Variants in RBFOX1 observed in about 807,000 individuals in gnomAD.
RBFOX1 encodes RNA binding protein fox-1 homolog 1.
Under a neutral mutation model 57.7 loss-of-function variants are expected in RBFOX1, and 8 were observed. That is an observed-to-expected ratio of 0.14 (90% CI 0.08 to 0.25). The LOEUF (loss-of-function observed/expected upper bound fraction) is 0.25, where lower values mean the gene tolerates loss of function less well. RBFOX1 is among the 10% of genes least tolerant of loss of function. The pLI is 1.00. For synonymous variants in RBFOX1, 326 were observed against 222.4 expected, an observed-to-expected ratio of 1.47 and a Z score of -4.15; for missense variants, 611 against 548.5, an observed-to-expected ratio of 1.11 and a Z score of -1.14.
chr16:5,870,342 G>C (rs559248849), intron 4 of RBFOX1, among the ~76,000 whole-genome samples: 1 of 143,870 alleles, frequency 7.0e-6, no homozygotes, highest in Non-Finnish European at 1.5e-5. Flanking sequence ...CAATGAAAAC[G>C]TGTGCATCTT....
chr16:6,328,521 C>G (rs1251469266), intron 2 of RBFOX1, among the ~76,000 whole-genome samples: 1 of 152,104 alleles, frequency 6.6e-6, no homozygotes, highest in African/African-American at 2.4e-5. Context: ...TGGGTCACAT[C>G]TAGCAGTTCA....
In RBFOX1 at chr16:7,190,578, T is replaced by C. The variant is rs371870231; in HGVS notation, c.27+138480T>C. 4.0e-5 allele frequency among the ~76,000 whole-genome samples: 6 copies of C among 151,372 alleles called. No individual in the cohort carries two copies. In the East Asian group the frequency reaches 7.8e-4, roughly 20 times the overall value. On this transcript the variant is annotated intron_variant, in intron 4 of 15. Coordinates refer to ENST00000550418, the MANE Select transcript of RBFOX1 (RefSeq NM_018723.4). The stretch of plus-strand genomic sequence containing the variant: ...AAGTTAGAAGGGAAAGTAGAGGAGG[T>C]TGCTAAGAGGGTAGGTGTAGTACTG...
chr16:5,521,470 C>T (rs568381242), intron 2 of RBFOX1, among the ~76,000 whole-genome samples: 486 of 152,216 alleles, frequency 3.2e-3, no homozygotes, highest in Non-Finnish European at 5.2e-3. Flanking sequence ...TCTTTGTATC[C>T]TCCATCTTCC....
At chr16:6,549,131 A>G (rs71392482) in intron 2 of RBFOX1, among the ~76,000 whole-genome samples, 17 of 35,348 alleles carry the variant, frequency 4.8e-4, no homozygotes, top group South Asian at 4.1e-3. Flanking sequence ...GAGGGGAGGA[A>G]GGAGGAGGAG....
intron 4 of RBFOX1, among the ~76,000 whole-genome samples, chr16:5,999,375 C>T (rs772605946): frequency 5.3e-5 from 8 of 152,190 alleles, no homozygotes; most frequent in Non-Finnish European, 7.3e-5. Context: ...GTCTTCAGAC[C>T]GGGTCAAACT....
chr16:6,903,023 G>A (rs1390953036), intron 3 of RBFOX1, among the ~76,000 whole-genome samples: 3 of 152,134 alleles, frequency 2.0e-5, no homozygotes, highest in Non-Finnish European at 4.4e-5. Context: ...CTTCAAATGA[G>A]ATGACTGCTC....
intron 3 of RBFOX1, among the ~76,000 whole-genome samples, chr16:6,680,062 TG>T (rs1203348481): frequency 6.6e-6 from 1 of 152,014 alleles, no homozygotes; most frequent in Non-Finnish European, 1.5e-5. Flanking sequence ...AGTGTGGTCT[TG>T]AGGAAATCTG....
intron 9 of RBFOX1, among the ~76,000 whole-genome samples, chr16:7,606,210 C>T (rs1257629737): frequency 1.3e-5 from 2 of 151,596 alleles, no homozygotes; most frequent in African/African-American, 4.9e-5. Context: ...CAACCTCTGC[C>T]TCCCAGGTTC....
At chr16:6,893,704 C>A (rs1340204004) in intron 3 of RBFOX1, among the ~76,000 whole-genome samples, 2 of 152,190 alleles carry the variant, frequency 1.3e-5, no homozygotes, top group Non-Finnish European at 2.9e-5. Flanking sequence ...ACTAAAATAT[C>A]TTTTCAGTGT....
chr16:7,706,841 A>G (rs1322331976), intron 14 of RBFOX1, among the ~76,000 whole-genome samples: 1 of 152,218 alleles, frequency 6.6e-6, no homozygotes, highest in Non-Finnish European at 1.5e-5. Context: ...GCCTGTTACT[A>G]TGTACTTCTA....
At chr16:5,705,290 C>T (rs374313509) in intron 3 of RBFOX1, among the ~76,000 whole-genome samples, 3 of 152,016 alleles carry the variant, frequency 2.0e-5, no homozygotes, top group Admixed American at 2.0e-4. Flanking sequence ...TAGACAGGGT[C>T]TTGCTGTCTT....
chr16:7,381,179 A>C (rs1178471719), intron 4 of RBFOX1, among the ~76,000 whole-genome samples: 1 of 152,152 alleles, frequency 6.6e-6, no homozygotes, highest in Non-Finnish European at 1.5e-5. Context: ...GTTAAACTTA[A>C]AACAGCCTCT....
At position 7,024,019 on chromosome 16, in the gene RBFOX1, CG is replaced by C. The variant is rs1568417023; in HGVS notation, c.-15-28037del. Among the ~76,000 whole-genome samples, 915 of 152,086 alleles carry C rather than the reference CG, an allele frequency of 6.0e-3. 10 individuals carry two copies. Among genetic ancestry groups the C allele is most frequent in the African/African-American group, 0.021 (877 of 41,476 alleles). ...TAGGTTTCTATATCCTCCTGATAACCGTATGTTGAAAAAGGATTTAAGAGGA... is the reference window on the plus strand; with the variant it reads ...TAGGTTTCTATATCCTCCTGATAACCTATGTTGAAAAAGGATTTAAGAGGA... On this transcript the variant is annotated intron_variant, in intron 3 of 15. Coordinates refer to ENST00000550418, the MANE Select transcript of RBFOX1 (RefSeq NM_018723.4).
intron 2 of RBFOX1, among the ~76,000 whole-genome samples, chr16:6,441,615 G>A (rs533789955): frequency 1.1e-4 from 17 of 152,094 alleles, no homozygotes; most frequent in African/African-American, 1.7e-4. Context: ...ACGGGGTTTC[G>A]CCATGTCATC....
chr16:7,487,299 A>G (rs767504554), intron 4 of RBFOX1, among the ~76,000 whole-genome samples: 1 of 152,176 alleles, frequency 6.6e-6, no homozygotes, highest in Non-Finnish European at 1.5e-5. Flanking sequence ...TATCTCAAAT[A>G]GCGGCCCCAT....
chr16:5,701,586 C>A (rs772075572), intron 3 of RBFOX1, among the ~76,000 whole-genome samples: 1 of 152,304 alleles, frequency 6.6e-6, no homozygotes, highest in East Asian at 1.9e-4. Flanking sequence ...CACTGTACCA[C>A]ACCTGGCTAA....
chr16:7,123,013 G>C (rs940850771), intron 4 of RBFOX1, among the ~76,000 whole-genome samples: 9 of 152,136 alleles, frequency 5.9e-5, no homozygotes, highest in African/African-American at 1.4e-4. Context: ...TAGGTTTGGG[G>C]AGAAAAGATC....
intron 4 of RBFOX1, among the ~76,000 whole-genome samples, chr16:5,977,076 C>T (rs779226492): frequency 2.0e-5 from 3 of 152,024 alleles, no homozygotes; most frequent in Admixed American, 1.3e-4. Context: ...GTCTCAGAGC[C>T]CAGGAATCTG....
intron 4 of RBFOX1, among the ~76,000 whole-genome samples, chr16:7,426,006 A>T (rs1446071182): frequency 1.3e-5 from 2 of 152,242 alleles, no homozygotes; most frequent in African/African-American, 4.8e-5. Context: ...CATTTGTTCA[A>T]GGCGGCATCT....
Sources: gnomAD v4.1 joint callset for allele counts (sites outside exome capture counted in the v4.1 genomes callset) on GRCh38, gnomAD v4.1.1 for gene constraint, MANE v1.5 for transcripts, NCBI Gene and HGNC (gene_info 2026-07-23, HGNC 2026-07-21) for gene names.